SCARA5: variants seen among roughly 807,000 people sequenced by gnomAD.
SCARA5 encodes scavenger receptor class A member 5.
SCARA5 carries 45 observed loss-of-function variants against 46.3 expected under a neutral mutation model. The ratio of observed to expected loss-of-function variants is 0.97; its 90% CI spans 0.76 to 1.24. SCARA5 has a LOEUF of 1.24. SCARA5 is among the 50% of genes most tolerant of loss of function. SCARA5 has a pLI of 0.00. For synonymous variants in SCARA5, 333 were observed against 306.5 expected (o/e 1.09, Z -0.90); for missense variants, 680 against 689.0 (o/e 0.99, Z 0.15).
intron 3 of SCARA5, among the ~76,000 whole-genome samples, chr8:27,939,529 A>G (rs1231721305): frequency 2.0e-5 from 3 of 152,172 alleles, no homozygotes; most frequent in Non-Finnish European, 2.9e-5. Flanking sequence ...GAGAGTAGCA[A>G]TGTCAGGCCT....
intron 4 of SCARA5, among the ~76,000 whole-genome samples, chr8:27,915,882 G>C (rs915105039): frequency 2.6e-5 from 4 of 151,930 alleles, no homozygotes; most frequent in Non-Finnish European, 5.9e-5. Context: ...TTGCCAAAGA[G>C]AGCCATCTGA....
chr8:27,879,521 G>C (rs745817986), intron 8 of SCARA5, 48 bp downstream of exon 8: 11 of 1,566,162 alleles, frequency 7.0e-6, no homozygotes, highest in Non-Finnish European at 9.6e-6. Context: ...CCCAGTCCTA[G>C]GATGTGCAGG....
chr8:27,981,100 C>T (rs948326550), intron 2 of SCARA5, among the ~76,000 whole-genome samples: 6 of 152,092 alleles, frequency 3.9e-5, no homozygotes, highest in Admixed American at 2.6e-4. Context: ...GTGTGCAAGG[C>T]GCTTTACCCG....
At chr8:27,987,728 A>T in intron 1 of SCARA5, 98 bp from the exon 2 acceptor site, 1 of 720,460 alleles carries the variant, frequency 1.4e-6, no homozygotes, top group South Asian at 1.6e-5. Flanking sequence ...GGATAGAACA[A>T]GGTGCCCACC....
At chr8:27,944,398 C>G (rs373189883) in intron 3 of SCARA5, among the ~76,000 whole-genome samples, 10 of 152,258 alleles carry the variant, frequency 6.6e-5, no homozygotes, top group Middle Eastern at 3.4e-3. Context: ...AAGTTTGCAA[C>G]TCACTGTCAA....
chr8:27,919,809 T>C (rs779289757), intron 4 of SCARA5, among the ~76,000 whole-genome samples: 1 of 150,982 alleles, frequency 6.6e-6, no homozygotes, highest in Non-Finnish European at 1.5e-5. Flanking sequence ...GTCAATAAAA[T>C]AGGGAAAACA....
Position 27,871,785 on chromosome 8 carries a change from C to G in SCARA5, c.*149G>C. 6.7e-7 allele frequency: 1 copy of G among 1,486,594 alleles called. No homozygotes were observed. The highest frequency in any genetic ancestry group is 1.4e-5 in the South Asian group (1 of 73,698). 92.1% of individuals were successfully genotyped at this position (1,486,594 alleles called of 1,614,324 possible). On this transcript the variant is annotated 3_prime_UTR_variant, in exon 9 of 9. Coordinates refer to ENST00000354914, the MANE Select transcript of SCARA5 (RefSeq NM_173833.6). ...TTCAAGAGGGAAATGACGACCGGCC[C>G]CCACGGTCCTGGGATGCAGGTGTGA...
chr8:27,917,960 G>T (rs141934869), intron 4 of SCARA5, among the ~76,000 whole-genome samples: 2,217 of 152,256 alleles, frequency 0.015, 24 homozygotes, highest in African/African-American at 0.029. Context: ...ACCCAAACTG[G>T]GTAGGGGAAG....
chr8:27,882,030 G>T (rs1181770919), intron 7 of SCARA5, among the ~76,000 whole-genome samples: 1 of 152,174 alleles, frequency 6.6e-6, no homozygotes, highest in African/African-American at 2.4e-5. Context: ...TATTCAGTGA[G>T]ACTATTCATC....
chr8:27,916,636 G>A (rs1807465898), intron 4 of SCARA5, among the ~76,000 whole-genome samples: 1 of 152,190 alleles, frequency 6.6e-6, no homozygotes, highest in African/African-American at 2.4e-5. Flanking sequence ...AAAAGCCAGG[G>A]TAGAGTTTGG....
At chr8:27,874,094 T>C (rs935011035) in intron 8 of SCARA5, among the ~76,000 whole-genome samples, 1 of 152,216 alleles carries the variant, frequency 6.6e-6, no homozygotes, top group Non-Finnish European at 1.5e-5. Context: ...GTGTGCTCAG[T>C]ACCATTCTGA....
chr8:27,977,994 G>A (rs886168890), intron 2 of SCARA5, among the ~76,000 whole-genome samples: 6 of 151,190 alleles, frequency 4.0e-5, no homozygotes, highest in Admixed American at 3.3e-4. Flanking sequence ...AAGTGCACTA[G>A]TGTATTTCAG....
chr8:27,966,445 G>C lies in SCARA5; in HGVS notation c.210C>G (p.Phe70Leu). 6.2e-7 allele frequency: 1 copy of C among 1,613,344 alleles called. No homozygotes were observed. Among genetic ancestry groups the C allele is most frequent in the South Asian group, 1.1e-5 (1 of 90,938 alleles). ...HAVLGLYLLV[F>L]LILVGIFILA... ...AGATGAAGATGCCCACAAGAATCAG[G>C]AAGACCAGCAGGTAGAGCCCCAGGA... Residue 70 changes from phenylalanine (F) to leucine (L), a missense_variant, in exon 3 of 9, where the codon TTC becomes TTG. By Grantham distance (22) the Phe-to-Leu change is conservative. Around this residue, in one of 3 missense-constraint regions of SCARA5, gnomAD observed 438 missense variants for 384.5 expected, o/e 1.14. Coordinates refer to ENST00000354914, the MANE Select transcript of SCARA5 (RefSeq NM_173833.6).
intron 2 of SCARA5, among the ~76,000 whole-genome samples, chr8:27,972,362 A>C (rs1270154934): frequency 1.3e-5 from 2 of 148,348 alleles, no homozygotes; most frequent in African/African-American, 5.0e-5. Context: ...AAAAAAAAAC[A>C]AAAAAAGTAG....
intron 2 of SCARA5, among the ~76,000 whole-genome samples, chr8:27,981,127 C>T (rs1808607815): frequency 1.3e-5 from 2 of 152,184 alleles, no homozygotes; most frequent in Non-Finnish European, 2.9e-5. Flanking sequence ...ATCATGTAAT[C>T]CTCCCACAAT....
intron 3 of SCARA5, among the ~76,000 whole-genome samples, chr8:27,954,387 G>A (rs546351719): frequency 1.9e-4 from 29 of 152,176 alleles, no homozygotes; most frequent in Admixed American, 3.9e-4. Context: ...ACTCCACCAC[G>A]GTTTTCATTT....
At chr8:27,950,230 CTT>C (rs1808102873) in intron 3 of SCARA5, among the ~76,000 whole-genome samples, 1 of 152,188 alleles carries the variant, frequency 6.6e-6, no homozygotes, top group Non-Finnish European at 1.5e-5. Flanking sequence ...CCCACACGCT[CTT>C]TGCCATTAAA....
intron 3 of SCARA5, among the ~76,000 whole-genome samples, chr8:27,923,727 C>T (rs1476273902): frequency 6.6e-6 from 1 of 152,078 alleles, no homozygotes; most frequent in Admixed American, 6.5e-5. Flanking sequence ...AGGTGCATGC[C>T]ACCACTCCCA....
intron 2 of SCARA5, among the ~76,000 whole-genome samples, chr8:27,983,648 T>A (rs1047856415): frequency 6.6e-6 from 1 of 152,182 alleles, no homozygotes; most frequent in Non-Finnish European, 1.5e-5. Context: ...CCCGAAAGAA[T>A]TCCCAGAGGA....
Sources: allele counts gnomAD v4.1 joint callset (sites outside exome capture counted in the v4.1 genomes callset), GRCh38; gene constraint gnomAD v4.1.1; regional missense constraint gnomAD v4.1.1; transcripts MANE v1.5; gene names NCBI Gene and HGNC (gene_info 2026-07-23, HGNC 2026-07-21).